Variants in AUTS2 observed in about 807,000 individuals in gnomAD.
AUTS2 encodes the protein activator of transcription and developmental regulator AUTS2.
In AUTS2, 17 loss-of-function variants were observed where a neutral mutation model predicts 112.4. That is an observed-to-expected ratio of 0.15 (90% CI 0.10 to 0.23). The LOEUF is 0.23. AUTS2 is among the 10% of genes least tolerant of loss of function. The pLI is 1.00. For synonymous variants in AUTS2, 751 were observed against 702.7 expected, an observed-to-expected ratio of 1.07 and a Z score of -1.09; for missense variants, 1,510 against 1,701.6, an observed-to-expected ratio of 0.89 and a Z score of 1.98.
At chr7:70,431,327 C>T (rs1021079017) in intron 4 of AUTS2, among the ~76,000 whole-genome samples, 5 of 152,204 alleles carry the variant, frequency 3.3e-5, no homozygotes, top group African/African-American at 9.6e-5. Context: ...AATGTATTAA[C>T]AGTGTTTACC....
chr7:69,628,931 A>G (rs571882001), intron 1 of AUTS2, among the ~76,000 whole-genome samples: 3 of 152,320 alleles, frequency 2.0e-5, no homozygotes, highest in Admixed American at 1.3e-4. Flanking sequence ...ATCAAAAAGA[A>G]GTGTTGACCC....
At chr7:70,721,248 G>A (rs7458754) in intron 6 of AUTS2, among the ~76,000 whole-genome samples, 1 of 149,528 alleles carries the variant, frequency 6.7e-6, no homozygotes, top group Non-Finnish European at 1.5e-5. Flanking sequence ...GAGGCCACAC[G>A]ACTGACGTGT....
chr7:70,506,319 G>A (rs1798959726), intron 5 of AUTS2, among the ~76,000 whole-genome samples: 1 of 152,232 alleles, frequency 6.6e-6, no homozygotes, highest in South Asian at 2.1e-4. Context: ...ACGTCTCTAG[G>A]TAGATGCCCT....
chr7:70,025,798 T>G (rs1800494647), intron 2 of AUTS2, among the ~76,000 whole-genome samples: 1 of 139,372 alleles, frequency 7.2e-6, no homozygotes, highest in Non-Finnish European at 1.5e-5. Flanking sequence ...TTTTTTTTAA[T>G]AGGATGCTGA....
At chr7:70,460,862 C>T (rs2131194424) in intron 5 of AUTS2, among the ~76,000 whole-genome samples, 1 of 152,182 alleles carries the variant, frequency 6.6e-6, no homozygotes, top group Admixed American at 6.5e-5. Context: ...CTTGCTGGTG[C>T]CCAGTCAGTC....
intron 4 of AUTS2, among the ~76,000 whole-genome samples, chr7:70,336,057 C>G (rs1790976096): frequency 6.6e-6 from 1 of 152,194 alleles, no homozygotes; most frequent in Admixed American, 6.5e-5. Context: ...AAATCATGAT[C>G]TTTCACGTTA....
chr7:70,094,225 A>G (rs1352023481), intron 2 of AUTS2, among the ~76,000 whole-genome samples: 4 of 152,176 alleles, frequency 2.6e-5, no homozygotes, highest in Admixed American at 6.5e-5. Context: ...GGAATTATGT[A>G]TGTATTTATA....
intron 5 of AUTS2, among the ~76,000 whole-genome samples, chr7:70,607,979 C>G (rs554366026): frequency 6.6e-6 from 1 of 152,134 alleles, no homozygotes; most frequent in African/African-American, 2.4e-5. Flanking sequence ...TCATATGATA[C>G]GACTCTTCCT....
At chr7:70,172,057 CCTTTCTTT>C (rs1467965204) in intron 4 of AUTS2, among the ~76,000 whole-genome samples, 1 of 152,046 alleles carries the variant, frequency 6.6e-6, no homozygotes, top group Non-Finnish European at 1.5e-5. Flanking sequence ...TGATGGAAAC[CCTTTCTTT>C]CCTCCTCACC....
At chr7:70,081,387 TAA>T (rs57155688) in intron 2 of AUTS2, among the ~76,000 whole-genome samples, 2,678 of 88,918 alleles carry the variant, frequency 0.03, 72 homozygotes, top group African/African-American at 0.095. Flanking sequence ...CCCGTCTCTA[TAA>T]AAAAAAAAAA....
intron 2 of AUTS2, among the ~76,000 whole-genome samples, chr7:70,113,243 C>T (rs976878585): frequency 6.6e-6 from 1 of 152,030 alleles, no homozygotes; most frequent in Non-Finnish European, 1.5e-5. Context: ...TATAATTTTA[C>T]TTATTGTAGT....
At chr7:70,427,296 A>G (rs1314874027) in intron 4 of AUTS2, among the ~76,000 whole-genome samples, 1 of 152,212 alleles carries the variant, frequency 6.6e-6, no homozygotes, top group Non-Finnish European at 1.5e-5. Context: ...ACCGGGCCCC[A>G]GACTGTCAGT....
chr7:69,715,582 G>C (rs946575330), intron 1 of AUTS2, among the ~76,000 whole-genome samples: 1 of 152,194 alleles, frequency 6.6e-6, no homozygotes, highest in African/African-American at 2.4e-5. Context: ...AGAAACTGCA[G>C]AGACATAGTA....
At chr7:70,244,034 T>G in intron 4 of AUTS2, among the ~76,000 whole-genome samples, 1 of 152,072 alleles carries the variant, frequency 6.6e-6, no homozygotes, top group African/African-American at 2.4e-5. Context: ...ACTGTCAAGG[T>G]AAAAATGAGA....
At chr7:70,296,027 C>G (rs904077203) in intron 4 of AUTS2, among the ~76,000 whole-genome samples, 1 of 152,142 alleles carries the variant, frequency 6.6e-6, no homozygotes, top group African/African-American at 2.4e-5. Context: ...TGCACCTTTC[C>G]TTCGTAATGA....
intron 1 of AUTS2, among the ~76,000 whole-genome samples, chr7:69,874,349 G>A (rs2129536494): frequency 6.6e-6 from 1 of 152,250 alleles, no homozygotes; most frequent in East Asian, 1.9e-4. Context: ...ATAAGAAAGA[G>A]GTTAGAACCA....
intron 5 of AUTS2, among the ~76,000 whole-genome samples, chr7:70,457,428 G>A (rs1030285358): frequency 6.6e-6 from 1 of 152,168 alleles, no homozygotes; most frequent in African/African-American, 2.4e-5. Flanking sequence ...CCTTCTGGAG[G>A]GGTAGGAACA....
chr7:70,452,627 C>G (rs114741059), intron 5 of AUTS2, among the ~76,000 whole-genome samples: 339 of 152,266 alleles, frequency 2.2e-3, no homozygotes, highest in African/African-American at 7.7e-3. Flanking sequence ...ACCCCAGGAT[C>G]AGGCCTTTTA....
chr7:70,115,203 G>A (rs1805295960), intron 2 of AUTS2, among the ~76,000 whole-genome samples: 1 of 152,184 alleles, frequency 6.6e-6, no homozygotes, highest in Non-Finnish European at 1.5e-5. Context: ...CTTCCGTGAA[G>A]AAGCATGGAA....
Sources: allele counts gnomAD v4.1 joint callset (sites outside exome capture counted in the v4.1 genomes callset), GRCh38; gene constraint gnomAD v4.1.1; transcripts MANE v1.5; gene names NCBI Gene and HGNC (gene_info 2026-07-23, HGNC 2026-07-21).